The following BCAR3 variants were observed in gnomAD, a reference collection of about 807,000 sequenced individuals.
BCAR3 encodes the protein breast cancer anti-estrogen resistance protein 3.
A neutral mutation model predicts 80.1 loss-of-function variants in BCAR3; 37 were observed. The observed-to-expected ratio is 0.46, with a 90% CI of 0.36 to 0.61. The LOEUF (loss-of-function observed/expected upper bound fraction) is 0.61, where lower values mean the gene tolerates loss of function less well. Among genes scored for constraint, BCAR3 ranks in the 20% least tolerant of loss-of-function variants. The pLI, the probability that BCAR3 is intolerant of heterozygous loss-of-function variation, is 0.00. For synonymous variants in BCAR3, 389 were observed against 418.9 expected (o/e 0.93, Z 0.87); for missense variants, 978 against 1,068.2 (o/e 0.92, Z 1.18).
At chr1:93,832,643 C>A (rs888345856) in intron 2 of BCAR3, among the ~76,000 whole-genome samples, 31 of 152,166 alleles carry the variant, frequency 2.0e-4, no homozygotes, top group Admixed American at 2.0e-3. Flanking sequence ...AGGCTACCTA[C>A]TCCACATTAC....
At chr1:93,786,273 C>T (rs931602569) in intron 2 of BCAR3, among the ~76,000 whole-genome samples, 3 of 151,286 alleles carry the variant, frequency 2.0e-5, no homozygotes, top group African/African-American at 7.3e-5. Context: ...GTAACCCAGC[C>T]TCAATACTAT....
chr1:93,709,625 T>C (rs1473301474), intron 2 of BCAR3, among the ~76,000 whole-genome samples: 7 of 152,178 alleles, frequency 4.6e-5, no homozygotes, highest in Non-Finnish European at 1.0e-4. Context: ...GCAGTCCCCC[T>C]TGATTGTCCT....
intron 2 of BCAR3, among the ~76,000 whole-genome samples, chr1:93,798,500 A>C (rs546499396): frequency 1.3e-5 from 2 of 152,288 alleles, no homozygotes; most frequent in African/African-American, 4.8e-5. Flanking sequence ...GCCATGTTTA[A>C]TAGGATGTCC....
chr1:93,775,830 C>T (rs1652526639), intron 2 of BCAR3, among the ~76,000 whole-genome samples: 1 of 152,170 alleles, frequency 6.6e-6, no homozygotes, highest in South Asian at 2.1e-4. Flanking sequence ...AGAAAAATGT[C>T]TGGAGCAATT....
chr1:93,834,643 C>T (rs1239193548), intron 2 of BCAR3, among the ~76,000 whole-genome samples: 2 of 152,196 alleles, frequency 1.3e-5, no homozygotes, highest in Non-Finnish European at 1.5e-5. Flanking sequence ...TGGCAGCTGC[C>T]GCTGCTTTAA....
chr1:93,570,590 G>A (rs921239776), intron 9 of BCAR3, among the ~76,000 whole-genome samples: 8 of 152,272 alleles, frequency 5.3e-5, no homozygotes, highest in East Asian at 3.9e-4. Flanking sequence ...TTTCAGAAAC[G>A]GTAATTAGGG....
At chr1:93,686,298 C>T (rs538719416), upstream of BCAR3, among the ~76,000 whole-genome samples, 11 of 152,160 alleles carry the variant, frequency 7.2e-5, no homozygotes, top group African/African-American at 2.4e-4. Context: ...ACCAGCTACT[C>T]GGGAGGCTGA....
intron 11 of BCAR3, among the ~76,000 whole-genome samples, chr1:93,564,278 ATTTC>A (rs1232275488): frequency 5.8e-5 from 8 of 138,646 alleles, no homozygotes; most frequent in Non-Finnish European, 7.7e-5. Flanking sequence ...TGTCCTAAGA[ATTTC>A]TTTCTTTCTT....
intron 3 of BCAR3, among the ~76,000 whole-genome samples, chr1:93,620,713 C>T (rs954309361): frequency 2.9e-4 from 44 of 152,206 alleles, no homozygotes; most frequent in African/African-American, 1.0e-3. Context: ...ATGTGTTTAG[C>T]ATCCCCAGAG....
At chr1:93,687,010 C>T (rs542909793) in intron 3 of BCAR3, among the ~76,000 whole-genome samples, 1 of 152,348 alleles carries the variant, frequency 6.6e-6, no homozygotes, top group Non-Finnish European at 1.5e-5. Context: ...TGGAATTTGT[C>T]ACAGCCAGTA....
rs1192266378 is a variant in BCAR3, at chr1:93,567,913, G to A, written c.1975-62C>T. 9.2e-6 allele frequency: 13 copies of A among 1,414,508 alleles called. No individual in the cohort carries two copies. In the South Asian group the frequency reaches 9.3e-5, roughly 10 times the overall value. 87.6% of individuals were successfully genotyped at this position (1,414,508 alleles called of 1,614,324 possible). A position where few individuals can be genotyped will look rare whatever the true frequency, so the allele number is the denominator to read the frequency against. On this transcript the variant is annotated intron_variant, in intron 9 of 11. Transcript: ENST00000260502. ...TAAAATTACCTTTTAGTGGCTGGGC[G>A]TGGTAGCTCACGCCTGTAATGCCAG... is the stretch of plus-strand genomic sequence containing the variant.
intron 8 of BCAR3, among the ~76,000 whole-genome samples, chr1:93,573,218 T>G (rs237436): frequency 0.79 from 120,402 of 151,914 alleles, 48,368 homozygotes; most frequent in African/African-American, 0.92. Context: ...CAACATGGGC[T>G]AAACCCCATC....
At chr1:93,595,572 CCTT>C (rs1674386409) in intron 3 of BCAR3, among the ~76,000 whole-genome samples, 1 of 152,166 alleles carries the variant, frequency 6.6e-6, no homozygotes, top group Non-Finnish European at 1.5e-5. Flanking sequence ...GGAGTGGAAA[CCTT>C]CTAGAACTTT....
intron 2 of BCAR3, among the ~76,000 whole-genome samples, chr1:93,796,521 C>G (rs989592068): frequency 1.3e-5 from 2 of 150,620 alleles, no homozygotes; most frequent in Admixed American, 1.3e-4. Flanking sequence ...GGCTCGCGCA[C>G]GGTGCGCGCA....
chr1:93,790,614 C>CTT (rs781591266), intron 2 of BCAR3, among the ~76,000 whole-genome samples: 9,072 of 90,058 alleles, frequency 0.1, 428 homozygotes, highest in African/African-American at 0.13. Flanking sequence ...CACTTATAGT[C>CTT]TTTTTTTTTT....
intron 2 of BCAR3, among the ~76,000 whole-genome samples, chr1:93,736,915 G>A (rs561008884): frequency 1.3e-5 from 2 of 152,256 alleles, no homozygotes; most frequent in South Asian, 4.2e-4. Flanking sequence ...CATGGTCTAC[G>A]GTCCATCTGC....
chr1:93,615,176 A>G (rs1012956386), intron 3 of BCAR3, among the ~76,000 whole-genome samples: 1 of 152,148 alleles, frequency 6.6e-6, no homozygotes, highest in African/African-American at 2.4e-5. Context: ...GGAAGAAACA[A>G]GATCTATTCA....
At chr1:93,782,302 T>G (rs1170001876) in intron 2 of BCAR3, among the ~76,000 whole-genome samples, 1 of 152,212 alleles carries the variant, frequency 6.6e-6, no homozygotes, top group Non-Finnish European at 1.5e-5. Flanking sequence ...TGGGGACCAC[T>G]TGGCATCTTC....
At chr1:93,765,529 A>G (rs1652114479) in intron 2 of BCAR3, among the ~76,000 whole-genome samples, 2 of 152,174 alleles carry the variant, frequency 1.3e-5, no homozygotes. Context: ...ATGACTCTGT[A>G]GATACCACCT....
Sources: gnomAD v4.1 joint callset for allele counts (sites outside exome capture counted in the v4.1 genomes callset) on GRCh38, gnomAD v4.1.1 for gene constraint, MANE v1.5 for transcripts, NCBI Gene and HGNC (gene_info 2026-07-23, HGNC 2026-07-21) for gene names.